CREB5: variants seen among roughly 807,000 people sequenced by gnomAD.
The protein encoded by CREB5 is cAMP responsive element binding protein 5.
In CREB5, 19 loss-of-function variants were observed where a neutral mutation model predicts 57.1. The observed-to-expected ratio is 0.33, with a 90% CI of 0.23 to 0.49. The LOEUF is 0.49. CREB5 is among the 20% of genes least tolerant of loss of function. The pLI is 0.99. For missense variants in CREB5, 579 were observed against 671.6 expected (o/e 0.86, Z 1.52); for synonymous variants, 238 against 238.3 (o/e 1.00, Z 0.01).
chr7:28,724,391 C>T (rs1321281024), intron 7 of CREB5, 59 bp downstream of exon 7: 43 of 1,438,048 alleles, frequency 3.0e-5, no homozygotes, highest in Non-Finnish European at 4.1e-5. Context: ...TTGAATTTTA[C>T]TCTGACTCCA....
At chr7:28,304,473 G>A (rs1785151738) in intron 1 of CREB5, among the ~76,000 whole-genome samples, 1 of 152,140 alleles carries the variant, frequency 6.6e-6, no homozygotes, top group South Asian at 2.1e-4. Flanking sequence ...TTAGGGTGGA[G>A]GATGGAAGGA....
chr7:28,519,930 T>C (rs746524067), intron 4 of CREB5, among the ~76,000 whole-genome samples: 1 of 152,168 alleles, frequency 6.6e-6, no homozygotes, highest in Admixed American at 6.5e-5. Flanking sequence ...CATTGAGAGC[T>C]CACATATGTG....
intron 5 of CREB5, among the ~76,000 whole-genome samples, chr7:28,610,559 G>A (rs1053817542): frequency 1.6e-4 from 24 of 152,162 alleles, no homozygotes; most frequent in African/African-American, 5.8e-4. Context: ...CACAAGAACT[G>A]CATTGACAGG....
At chr7:28,306,066 G>A (rs1010135217) in intron 1 of CREB5, among the ~76,000 whole-genome samples, 4 of 152,076 alleles carry the variant, frequency 2.6e-5, no homozygotes, top group Non-Finnish European at 4.4e-5. Flanking sequence ...CAATGCTACA[G>A]TTATTCCTGG....
At chr7:28,600,614 C>T (rs759099320) in intron 5 of CREB5, among the ~76,000 whole-genome samples, 6 of 152,258 alleles carry the variant, frequency 3.9e-5, no homozygotes, top group East Asian at 3.9e-4. Flanking sequence ...TGAAGATTTT[C>T]GTTTGCAGCA....
chr7:28,517,538 G>A (rs1027987824), intron 4 of CREB5, among the ~76,000 whole-genome samples: 2 of 152,178 alleles, frequency 1.3e-5, no homozygotes. Flanking sequence ...CAAAGACTTA[G>A]GAAAGTTGAT....
intron 5 of CREB5, among the ~76,000 whole-genome samples, chr7:28,642,913 T>C (rs41316): frequency 0.96 from 145,159 of 150,842 alleles, 69,874 homozygotes; most frequent in East Asian, 1. Context: ...CAGATCTGTT[T>C]AAGATATGCC....
At chr7:28,589,532 C>A (rs1043555200) in intron 5 of CREB5, among the ~76,000 whole-genome samples, 1 of 151,616 alleles carries the variant, frequency 6.6e-6, no homozygotes, top group African/African-American at 2.4e-5. Flanking sequence ...CCAGGCTGGG[C>A]GACAGAGCGA....
At chr7:28,549,951 T>C (rs1327871922) in intron 4 of CREB5, among the ~76,000 whole-genome samples, 2 of 152,214 alleles carry the variant, frequency 1.3e-5, no homozygotes, top group Non-Finnish European at 2.9e-5. Context: ...GCCTGTTTTC[T>C]AGCCTCTTCA....
intron 1 of CREB5, among the ~76,000 whole-genome samples, chr7:28,427,830 A>G (rs1788568375): frequency 6.6e-6 from 1 of 152,126 alleles, no homozygotes; most frequent in South Asian, 2.1e-4. Context: ...ACTTCCGGAG[A>G]TGGCTATGTG....
chr7:28,803,243 C>T (rs1383215994), intron 7 of CREB5, among the ~76,000 whole-genome samples: 2 of 152,078 alleles, frequency 1.3e-5, no homozygotes, highest in Non-Finnish European at 2.9e-5. Flanking sequence ...CAAAAGAAAG[C>T]TATTGAGTGA....
chr7:28,507,529 G>T, intron 3 of CREB5, 87 bp from the exon 4 acceptor site: 1 of 1,462,168 alleles, frequency 6.8e-7, no homozygotes. Context: ...TTAAGGCAAG[G>T]GGAGGGGATT....
intron 5 of CREB5, among the ~76,000 whole-genome samples, chr7:28,601,817 T>C (rs368357299): frequency 1.2e-4 from 19 of 152,264 alleles, no homozygotes; most frequent in Admixed American, 9.8e-4. Flanking sequence ...AAAAAATAGA[T>C]ACATTTTAAA....
At chr7:28,714,331 C>CT (rs560896677) in intron 5 of CREB5, among the ~76,000 whole-genome samples, 13 of 151,552 alleles carry the variant, frequency 8.6e-5, no homozygotes, top group East Asian at 5.8e-4. Flanking sequence ...TTCTAACCTA[C>CT]TTTTTTTTTG....
chr7:28,819,055 C>CA (rs1739298134), intron 10 of CREB5, 61 bp from the exon 11 acceptor site: 1 of 1,537,430 alleles, frequency 6.5e-7, no homozygotes, highest in Non-Finnish European at 8.8e-7. Context: ...CAAGTCCATA[C>CA]AAAAAAGACC....
At chr7:28,393,728 G>A (rs1021207956) in intron 1 of CREB5, among the ~76,000 whole-genome samples, 1 of 152,308 alleles carries the variant, frequency 6.6e-6, no homozygotes. Flanking sequence ...GGGAGGAATT[G>A]GGAATTCTCT....
chr7:28,734,919 G>C (rs371720435), intron 7 of CREB5, among the ~76,000 whole-genome samples: 582 of 152,124 alleles, frequency 3.8e-3, no homozygotes, highest in African/African-American at 0.013. Flanking sequence ...TTTACTTTAA[G>C]GTGAAGGTGA....
intron 1 of CREB5, among the ~76,000 whole-genome samples, chr7:28,377,317 C>T (rs1786852338): frequency 6.6e-6 from 1 of 151,926 alleles, no homozygotes; most frequent in South Asian, 2.1e-4. Context: ...TTCAAAAACT[C>T]AGTATGAAAA....
chr7:28,561,007 T>TGCGTGCGTGCGTGC, intron 4 of CREB5, among the ~76,000 whole-genome samples: 1 of 44,102 alleles, frequency 2.3e-5, no homozygotes, highest in African/African-American at 1.1e-4. Context: ...TGCGTGTGCG[T>TGCGTGCGTGCGTGC]GTGTGTGTGC....
Sources: allele counts gnomAD v4.1 joint callset (sites outside exome capture counted in the v4.1 genomes callset), GRCh38; gene constraint gnomAD v4.1.1; transcripts MANE v1.5; gene names NCBI Gene and HGNC (gene_info 2026-07-23, HGNC 2026-07-21).